FAM171A2: variants seen among roughly 807,000 people sequenced by gnomAD.
FAM171A2 encodes family with sequence similarity 171 member A2.
FAM171A2 carries 13 observed loss-of-function variants against 34.2 expected under a neutral mutation model. The observed-to-expected ratio is 0.38, with a 90% CI of 0.25 to 0.60. The LOEUF (loss-of-function observed/expected upper bound fraction) is 0.60. FAM171A2 is among the 20% of genes least tolerant of loss of function. The pLI is 0.62. For missense variants in FAM171A2, 950 were observed against 1,180.7 expected, an observed-to-expected ratio of 0.80 and a Z score of 2.86; for synonymous variants, 475 against 561.2, an observed-to-expected ratio of 0.85 and a Z score of 2.17.
Position 44,354,151 on chromosome 17 carries a change from G to A in FAM171A2, c.2063C>T (p.Ser688Leu). Reference protein sequence around the residue: ...GARSTDASLDSGVDVHEARPA... With the variant: ...GARSTDASLDLGVDVHEARPA... The stretch of plus-strand genomic sequence containing the variant: ...CCGCGCCTCGTGGACATCTACGCCC[G>A]AGTCCAGGCTGGCGTCGGTGCTGCG... The change falls in exon 8 of 8, where the codon TCG becomes TTG. Residue 688 changes from serine to leucine, a missense_variant. Ser to Leu is a moderately radical substitution (Grantham distance 145). Around this residue, in one of 3 missense-constraint regions of FAM171A2, gnomAD observed 191 missense variants for 222.8 expected, o/e 0.86. Transcript: ENST00000293443. The surrounding 1 kb of genome is among the most constrained non-coding windows in gnomAD (Gnocchi z 5.8). 1.6e-6 allele frequency: 2 copies of A among 1,232,904 alleles called. No homozygotes were observed. Among genetic ancestry groups the A allele is most frequent in the Non-Finnish European group, 2.0e-6 (2 of 980,328 alleles). The allele number at this position is 1,232,904 out of a possible 1,614,324, so 76.4% of individuals were successfully genotyped here. A position where few individuals can be genotyped will look rare whatever the true frequency, so the allele number is the denominator to read the frequency against.
chr17:44,354,303 C>T lies in FAM171A2; in HGVS notation c.1911G>A (p.Leu637=), dbSNP rs1233537018. 1 of 1,453,536 alleles carries T rather than the reference C, an allele frequency of 6.9e-7. No homozygotes were observed. Among genetic ancestry groups the T allele is most frequent in the Non-Finnish European group, 9.1e-7 (1 of 1,093,866 alleles). 90.0% of individuals were successfully genotyped at this position (1,453,536 alleles called of 1,614,324 possible). A position where few individuals can be genotyped will look rare whatever the true frequency, so the allele number is the denominator to read the frequency against. The change falls in exon 8 of 8, where the codon CTG becomes CTA. Residue 637 remains leucine (L), a synonymous_variant. Coordinates refer to ENST00000293443, the MANE Select transcript of FAM171A2 (RefSeq NM_198475.3). This position sits in a 1 kb window ranked among gnomAD's most constrained non-coding sequence, Gnocchi z 5.8. ...CCAGTTCCAGCAGCTTCTTCTCGGT[C>T]AGGGCCTGCAGCTCCCCGTTGAGCT... is the stretch of plus-strand genomic sequence containing the variant. The part of the protein sequence containing the change: ...MAQLNGELQA[L]TEKKLLELGV...
chr17:44,356,236 A>G lies in FAM171A2; in HGVS notation c.715T>C (p.Ser239Pro), dbSNP rs1397946016. ...GPIHLSLPVP[S>P]ETRALTVGTS... ...CCCACGGTGAGGGCACGAGTCTCGGAGGGCACGGGCAGGGACAGGTGAATG... is the reference window on the plus strand; with the variant it reads ...CCCACGGTGAGGGCACGAGTCTCGGGGGGCACGGGCAGGGACAGGTGAATG... The change falls in exon 5 of 8, where the codon TCC becomes CCC. Residue 239 changes from serine to proline, a missense_variant. Physicochemically the swap from Ser to Pro is moderately conservative, Grantham distance 74. This residue lies in a region of FAM171A2 where 752 missense variants were observed against 924.5 expected (regional missense o/e 0.81). Transcript: ENST00000293443. 1.9e-6 allele frequency: 3 copies of G among 1,551,350 alleles called. No homozygotes were observed. In the African/African-American group the frequency reaches 4.1e-5, roughly 21 times the overall value.
chr17:44,356,715 G>A, intron 3 of FAM171A2, 127 bp from the exon 4 acceptor site: 2 of 1,047,542 alleles, frequency 1.9e-6, no homozygotes, highest in African/African-American at 1.6e-5. Flanking sequence ...CAGGGAGGGT[G>A]ATGCCTTGGG....
Position 44,355,317 on chromosome 17 carries a change from T to C in FAM171A2, c.1023-126A>G, listed in dbSNP as rs2048417431. Reference sequence around the variant, plus strand: ...GAGGTGGGGAGAATGCCTGGGGCGCTCAGGAGAGATGGCGGGGAGCCGCCG... The same window carrying C: ...GAGGTGGGGAGAATGCCTGGGGCGCCCAGGAGAGATGGCGGGGAGCCGCCG... On this transcript the variant is annotated intron_variant, in intron 7 of 7. Transcript: ENST00000293443. This position sits in a 1 kb window ranked among gnomAD's most constrained non-coding sequence, Gnocchi z 4.1. The C allele has an allele frequency of 7.0e-7, 1 of 1,437,496 alleles. No homozygotes were observed. The highest frequency in any genetic ancestry group is 1.4e-5 in the African/African-American group (1 of 70,000). 89.0% of individuals were successfully genotyped at this position (1,437,496 alleles called of 1,614,324 possible).
At position 44,363,664 on chromosome 17, in the gene FAM171A2, C is replaced by T; in HGVS notation, c.51G>A (p.Leu17=). 8.1e-7 allele frequency: 1 copy of T among 1,227,168 alleles called. No homozygotes were observed. 76.0% of individuals were successfully genotyped at this position (1,227,168 alleles called of 1,614,324 possible). The change falls in exon 1 of 8, where the codon CTG becomes CTA. Residue 17 remains leucine (L), a synonymous_variant. Coordinates refer to ENST00000293443, the MANE Select transcript of FAM171A2 (RefSeq NM_198475.3). ...GGGAGGCGCTGCCGAGCAGCAGCCCCAGCAGCGGCAACAGCCGCGCGAGGA... is the reference window on the plus strand; with the variant it reads ...GGGAGGCGCTGCCGAGCAGCAGCCCTAGCAGCGGCAACAGCCGCGCGAGGA... ...PSVLARLLPL[L]GLLLGSASRA...
In FAM171A2 at chr17:44,355,244, A is replaced by T. The variant is rs1209760286; in HGVS notation, c.1023-53T>A. On this transcript the variant is annotated intron_variant, in intron 7 of 7. Coordinates refer to ENST00000293443, the MANE Select transcript of FAM171A2 (RefSeq NM_198475.3). The surrounding 1 kb of genome is among the most constrained non-coding windows in gnomAD (Gnocchi z 4.1). ...CTCAGGAAAGGGTGAGGGCCAAAGT[A>T]GGCCCCGAACCCCCTTAGATGCAAG... 2 of 1,538,640 alleles carry T rather than the reference A, an allele frequency of 1.3e-6. No individual in the cohort carries two copies. The highest frequency in any genetic ancestry group is 1.7e-6 in the Non-Finnish European group (2 of 1,142,932).
chr17:44,355,018 T>A lies in FAM171A2; in HGVS notation c.1196A>T (p.His399Leu). 6 of 1,521,816 alleles carry A rather than the reference T, an allele frequency of 3.9e-6. No individual in the cohort carries two copies. The highest frequency in any genetic ancestry group is 1.3e-5 in the South Asian group (1 of 79,270). The allele number at this position is 1,521,816 out of a possible 1,614,324, so 94.3% of individuals were successfully genotyped here. A position where few individuals can be genotyped will look rare whatever the true frequency, so the allele number is the denominator to read the frequency against. ...GTCCCGGGAGCTGGAGAAGGCCGAG[T>A]GGAGGGGGCCTGGAGGCGGAGCCTC... Reference protein sequence around the residue: ...DPEAPPPGPLHSAFSSSRDLA... With the variant: ...DPEAPPPGPLLSAFSSSRDLA... Residue 399 changes from histidine (H) to leucine (L), a missense_variant, in exon 8 of 8, where the codon CAC (histidine) becomes CTC (leucine). This residue lies in a region of FAM171A2 where 752 missense variants were observed against 924.5 expected (regional missense o/e 0.81). Coordinates refer to ENST00000293443, the MANE Select transcript of FAM171A2 (RefSeq NM_198475.3). This position sits in a 1 kb window ranked among gnomAD's most constrained non-coding sequence, Gnocchi z 4.1.
intron 1 of FAM171A2, among the ~76,000 whole-genome samples, chr17:44,361,646 C>T (rs1255528501): frequency 6.6e-6 from 1 of 152,204 alleles, no homozygotes; most frequent in African/African-American, 2.4e-5. Context: ...GGTGGGTGCA[C>T]ACTCCACTCA....
chr17:44,353,528 C>T lies in FAM171A2; in HGVS notation c.*205G>A. ...CGGCACCTCCCCGTGGGGGTCTGGA[C>T]CCCCCCTCCTCCCCGGCTTGGAGGC... On this transcript the variant is annotated 3_prime_UTR_variant, in exon 8 of 8. Coordinates refer to ENST00000293443, the MANE Select transcript of FAM171A2 (RefSeq NM_198475.3). 1 of 272,892 alleles carries T rather than the reference C, an allele frequency of 3.7e-6. No individual in the cohort carries two copies. The highest frequency in any genetic ancestry group is 6.1e-6 in the Non-Finnish European group (1 of 163,726). 16.9% of individuals were successfully genotyped at this position (272,892 alleles called of 1,614,324 possible).
chr17:44,363,528 G>A (rs1017474151), intron 1 of FAM171A2, 69 bp downstream of exon 1: 9 of 667,316 alleles, frequency 1.3e-5, no homozygotes, highest in Admixed American at 1.3e-4. Flanking sequence ...GCGAAGAGGG[G>A]GCTGACGGGC....
At position 44,354,513 on chromosome 17, in the gene FAM171A2, G is replaced by C. The variant is rs2048410604; in HGVS notation, c.1701C>G (p.Gly567=). 1 of 1,129,102 alleles carries C rather than the reference G, an allele frequency of 8.9e-7. No individual in the cohort carries two copies. Among genetic ancestry groups the C allele is most frequent in the Admixed American group, 4.9e-5 (1 of 20,310 alleles). The allele number at this position is 1,129,102 out of a possible 1,614,324, so 69.9% of individuals were successfully genotyped here. Residue 567 remains glycine, a synonymous_variant, in exon 8 of 8, where the codon GGC becomes GGG. Coordinates refer to ENST00000293443, the MANE Select transcript of FAM171A2 (RefSeq NM_198475.3). This position sits in a 1 kb window ranked among gnomAD's most constrained non-coding sequence, Gnocchi z 5.8. ...AAGCGCGCGCCGGGCCGGGTGCCGT[G>C]CCCTCCGGCGGGGCCGGCTCGTCGC... ...GVGDEPAPPE[G]TAPGPARAFP...
Position 44,354,662 on chromosome 17 carries a change from GC to G in FAM171A2, c.1551del (p.Gln518SerfsTer24). 1 of 1,316,054 alleles carries G rather than the reference GC, an allele frequency of 7.6e-7. No homozygotes were observed. The highest frequency in any genetic ancestry group is 9.7e-7 in the Non-Finnish European group (1 of 1,032,266). 81.5% of individuals were successfully genotyped at this position (1,316,054 alleles called of 1,614,324 possible). On this transcript the variant is annotated frameshift_variant, in exon 8 of 8. Coordinates refer to ENST00000293443, the MANE Select transcript of FAM171A2 (RefSeq NM_198475.3). LOFTEE classifies it low-confidence loss of function (END_TRUNC). The surrounding 1 kb of genome is among the most constrained non-coding windows in gnomAD (Gnocchi z 5.8). ...LARPPSLGQAGQLIFCGSIDH... is the reference protein window; with the variant it reads ...LARPPSLGQAXQLIFCGSIDH... ...TCGATGGAGCCGCAGAAGATGAGCT[GC>G]CCCGCCTGGCCCAGCGACGGCGGCC... is the stretch of plus-strand genomic sequence containing the variant.
At position 44,360,147 on chromosome 17, in the gene FAM171A2, G is replaced by A. The variant is rs1482171387; in HGVS notation, c.119-15C>T. 1.9e-6 allele frequency: 3 copies of A among 1,546,962 alleles called. No homozygotes were observed. Among genetic ancestry groups the A allele is most frequent in the Non-Finnish European group, 8.7e-7 (1 of 1,143,152 alleles). On this transcript the variant is annotated splice_polypyrimidine_tract_variant and intron_variant, in intron 1 of 7. Transcript: ENST00000293443. ...GATCAGGATCTCTGTGGGCAAGATG[G>A]GGCAAAGGGAGTGAGGACGAGGGAG... is the stretch of plus-strand genomic sequence containing the variant.
intron 3 of FAM171A2, among the ~76,000 whole-genome samples, chr17:44,357,396 C>T (rs2048429286): frequency 6.6e-6 from 1 of 151,338 alleles, no homozygotes; most frequent in South Asian, 2.1e-4. Context: ...CGCCTGTAAT[C>T]CCAGCACTTT....
At chr17:44,360,169 G>A (rs2143384291) in intron 1 of FAM171A2, 37 bp from the exon 2 acceptor site, 1 of 1,516,170 alleles carries the variant, frequency 6.6e-7, no homozygotes, top group Admixed American at 2.0e-5. Flanking sequence ...TGAGGACGAG[G>A]GAGGGGGAAA....
At chr17:44,361,050 G>A (rs1328651677) in intron 1 of FAM171A2, among the ~76,000 whole-genome samples, 2 of 152,220 alleles carry the variant, frequency 1.3e-5, no homozygotes, top group African/African-American at 4.8e-5. Context: ...GAGCAACCCA[G>A]GCCCAAGAGA....
rs2048439254 is a variant in FAM171A2, at chr17:44,359,573, C to G, written c.439+6G>C. 1.3e-6 allele frequency: 2 copies of G among 1,550,752 alleles called. No homozygotes were observed. Among genetic ancestry groups the G allele is most frequent in the African/African-American group, 1.4e-5 (1 of 72,986 alleles). ...AAGAGTTGGCGTGGGTGAGGGGGAG[C>G]CTTACCGGGAGAGCCTAGGAGAATG... On this transcript the variant is annotated splice_donor_region_variant and intron_variant, in intron 3 of 7. Coordinates refer to ENST00000293443, the MANE Select transcript of FAM171A2 (RefSeq NM_198475.3).
In FAM171A2 at chr17:44,356,601, AG is replaced by A; in HGVS notation, c.440-14del. ...TGGGAGCGGGCACCTGGAGGGAAAG[AG>A]GGGCTGCAGTGGCTTGACCATGGAC... On this transcript the variant is annotated splice_polypyrimidine_tract_variant and intron_variant, in intron 3 of 7. Transcript: ENST00000293443. 6.5e-7 allele frequency: 1 copy of A among 1,533,830 alleles called. No individual in the cohort carries two copies. The highest frequency in any genetic ancestry group is 8.8e-7 in the Non-Finnish European group (1 of 1,138,080).
rs1438741702 is a variant in FAM171A2, at chr17:44,354,240, G to C, written c.1974C>G (p.Leu658=). ...KPHPRAWFVS[L]DGRSNSQVRH... ...GCACTTGCGAGTTGGAGCGCCCGTC[G>C]AGGGACACGAACCAGGCGCGCGGGT... is the stretch of plus-strand genomic sequence containing the variant. Residue 658 remains leucine (L), a synonymous_variant, in exon 8 of 8, where the codon CTC becomes CTG. Coordinates refer to ENST00000293443, the MANE Select transcript of FAM171A2 (RefSeq NM_198475.3). This position sits in a 1 kb window ranked among gnomAD's most constrained non-coding sequence, Gnocchi z 5.8. 2 of 1,454,894 alleles carry C rather than the reference G, an allele frequency of 1.4e-6. No homozygotes were observed. Among genetic ancestry groups the C allele is most frequent in the Non-Finnish European group, 1.8e-6 (2 of 1,095,670 alleles). 90.1% of individuals were successfully genotyped at this position (1,454,894 alleles called of 1,614,324 possible).
Sources: allele counts gnomAD v4.1 joint callset (sites outside exome capture counted in the v4.1 genomes callset), GRCh38; gene constraint gnomAD v4.1.1; regional missense constraint gnomAD v4.1.1; non-coding constraint Gnocchi (gnomAD v3.1); transcripts MANE v1.5; gene names NCBI Gene and HGNC (gene_info 2026-07-23, HGNC 2026-07-21).